The following PCYOX1 variants were observed in gnomAD, a reference collection of about 807,000 sequenced individuals.
PCYOX1 encodes prenylcysteine oxidase 1.
Under a neutral mutation model 46.4 loss-of-function variants are expected in PCYOX1, and 46 were observed. That is an observed-to-expected ratio of 0.99 (90% CI 0.78 to 1.27). The LOEUF is 1.27. Ranked by LOEUF, PCYOX1 falls within the 50% of genes most tolerant of loss-of-function variation. PCYOX1 has a pLI of 0.00. For missense variants in PCYOX1, 658 were observed against 628.3 expected (o/e 1.05, Z -0.51); for synonymous variants, 220 against 231.8 (o/e 0.95, Z 0.46).
chr2:70,269,626 T>C (rs1338371842), intron 3 of PCYOX1, among the ~76,000 whole-genome samples: 2 of 151,910 alleles, frequency 1.3e-5, no homozygotes, highest in African/African-American at 4.8e-5. Context: ...CGTGAGCCAC[T>C]GCACCCGGCC....
chr2:70,274,966 C>T lies in PCYOX1; in HGVS notation c.502C>T (p.Arg168Cys), dbSNP rs916600172. ...DVLDKFMRIYRYQSHDYAFSS... is the reference protein window; with the variant it reads ...DVLDKFMRIYCYQSHDYAFSS... The stretch of plus-strand genomic sequence containing the variant: ...TTCTCTTCTTTTCCAAAGGATCTAC[C>T]GCTACCAGTCTCATGACTATGCCTT... The change falls in exon 4 of 6, where the codon CGC becomes TGC. Residue 168 changes from arginine (R) to cysteine (C), a missense_variant. Arg to Cys is a radical substitution (Grantham distance 180). Transcript: ENST00000433351. 1.1e-5 allele frequency: 18 copies of T among 1,592,198 alleles called. No homozygotes were observed. Among genetic ancestry groups the T allele is most frequent in the Non-Finnish European group, 1.2e-5 (14 of 1,160,034 alleles).
At position 70,280,919 on chromosome 2, in the gene PCYOX1, A is replaced by AGTCT. The variant is rs1696764766; in HGVS notation, c.*3528_*3531dup. ...CTTTTTATCAGATCACAAAAAAATC[A>AGTCT]GTCTTTAAGCATTTGCTTGGTAAGG... On this transcript the variant is annotated 3_prime_UTR_variant, in exon 6 of 6. Transcript: ENST00000433351. 6.6e-6 allele frequency: 1 copy of AGTCT among 152,172 alleles called. No individual in the cohort carries two copies. The highest frequency in any genetic ancestry group is 1.5e-5 in the Non-Finnish European group (1 of 68,044). 9.4% of individuals were successfully genotyped at this position (152,172 alleles called of 1,614,324 possible). A position where few individuals can be genotyped will look rare whatever the true frequency, so the allele number is the denominator to read the frequency against.
intron 3 of PCYOX1, among the ~76,000 whole-genome samples, chr2:70,269,023 T>G (rs752680266): frequency 1.1e-4 from 17 of 152,082 alleles, no homozygotes; most frequent in Non-Finnish European, 2.2e-4. Context: ...ACTAATACAC[T>G]GTTGTCATTT....
chr2:70,267,294 C>T (rs1022367275), intron 3 of PCYOX1, among the ~76,000 whole-genome samples: 2 of 151,914 alleles, frequency 1.3e-5, no homozygotes, highest in Non-Finnish European at 2.9e-5. Flanking sequence ...AGGCGCTCCT[C>T]ACTTCCCAGA....
At chr2:70,275,243 ACTTTAGG>A (rs1365259776) in intron 4 of PCYOX1, 73 bp downstream of exon 4, 2 of 1,284,722 alleles carry the variant, frequency 1.6e-6, no homozygotes, top group African/African-American at 2.9e-5. Context: ...GTGGTTCCTG[ACTTTAGG>A]CTGTGGATTG....
chr2:70,275,901 C>A (rs1696664587), intron 5 of PCYOX1, among the ~76,000 whole-genome samples: 1 of 151,996 alleles, frequency 6.6e-6, no homozygotes, highest in Non-Finnish European at 1.5e-5. Context: ...GAGATCAAGA[C>A]TAGCCTGGCC....
chr2:70,277,490 CCATTAT>C lies in PCYOX1; in HGVS notation c.*103_*108del, dbSNP rs1451906949. ...AGATGATTTTGAACCAGATATTTTGCCATTATCATTGTTTAATAAAAGTAATCCCTG... is the reference window on the plus strand; with the variant it reads ...AGATGATTTTGAACCAGATATTTTGCCATTGTTTAATAAAAGTAATCCCTG... On this transcript the variant is annotated 3_prime_UTR_variant, in exon 6 of 6. Transcript: ENST00000433351. The C allele has an allele frequency of 1.2e-5, 12 of 1,010,966 alleles. No homozygotes were observed. Among genetic ancestry groups the C allele is most frequent in the Non-Finnish European group, 1.5e-5 (10 of 676,016 alleles). 62.6% of individuals were successfully genotyped at this position (1,010,966 alleles called of 1,614,324 possible). A position where few individuals can be genotyped will look rare whatever the true frequency, so the allele number is the denominator to read the frequency against.
intron 1 of PCYOX1, 124 bp downstream of exon 1, chr2:70,258,400 G>C (rs1696379938): frequency 3.3e-6 from 2 of 598,326 alleles, no homozygotes; most frequent in South Asian, 4.4e-5. Flanking sequence ...AGCCAGCTGC[G>C]CAGGTCGCGC....
intron 3 of PCYOX1, among the ~76,000 whole-genome samples, chr2:70,268,594 T>C (rs1398573230): frequency 6.6e-6 from 1 of 151,994 alleles, no homozygotes; most frequent in East Asian, 1.9e-4. Context: ...GGTTGGGAGT[T>C]CGAGACCAGC....
chr2:70,268,513 C>T (rs1254540977), intron 3 of PCYOX1, among the ~76,000 whole-genome samples: 1 of 151,934 alleles, frequency 6.6e-6, no homozygotes, highest in African/African-American at 2.4e-5. Context: ...TAGCGTAGAC[C>T]CTAAAACAAT....
Position 70,258,254 on chromosome 2 carries a change from G to C in PCYOX1, c.90G>C (p.Leu30=), listed in dbSNP as rs1333463439. 88 of 1,591,394 alleles carry C rather than the reference G, an allele frequency of 5.5e-5. No individual in the cohort carries two copies. The highest frequency in any genetic ancestry group is 7.4e-5 in the Non-Finnish European group (87 of 1,174,690). ...CSCGCPEGAE[L]RAPPDKIAII... ...GCGGATGCCCCGAGGGCGCCGAGCTGCGTGCTCCGCCAGATAAAATCGGTA... is the reference window on the plus strand; with the variant it reads ...GCGGATGCCCCGAGGGCGCCGAGCTCCGTGCTCCGCCAGATAAAATCGGTA... Residue 30 remains leucine (L), a synonymous_variant, in exon 1 of 6, where the codon CTG becomes CTC. Transcript: ENST00000433351.
rs927963005 is a variant in PCYOX1 at position 70,275,741 on chromosome 2, G to A, written c.859+75G>A. 10 of 1,305,930 alleles carry A rather than the reference G, an allele frequency of 7.7e-6. No homozygotes were observed. In the Admixed American group the frequency reaches 1.0e-4, roughly 14 times the overall value. 80.9% of individuals were successfully genotyped at this position (1,305,930 alleles called of 1,614,324 possible). A position where few individuals can be genotyped will look rare whatever the true frequency, so the allele number is the denominator to read the frequency against. ...GCTCAGGGAGAAACACTTCTCTTCTGTCATCTCTTACTCAGTTCTAAAATG... is the reference window on the plus strand; with the variant it reads ...GCTCAGGGAGAAACACTTCTCTTCTATCATCTCTTACTCAGTTCTAAAATG... On this transcript the variant is annotated intron_variant, in intron 5 of 5. Coordinates refer to ENST00000433351, the MANE Select transcript of PCYOX1 (RefSeq NM_016297.4).
At position 70,259,285 on chromosome 2, in the gene PCYOX1, G is replaced by C. The variant is rs1015868220; in HGVS notation, c.113-75G>C. The C allele has an allele frequency of 1.5e-5, 20 of 1,325,610 alleles. No individual in the cohort carries two copies. In the African/African-American group the frequency reaches 2.9e-4, roughly 19 times the overall value. The allele number at this position is 1,325,610 out of a possible 1,614,324, so 82.1% of individuals were successfully genotyped here. A position where few individuals can be genotyped will look rare whatever the true frequency, so the allele number is the denominator to read the frequency against. Reference sequence around the variant, plus strand: ...TTGAGTAACAACCTCTGCTATTGATGGTCTTTCAAAAACAAAACAACTCAC... The same window carrying C: ...TTGAGTAACAACCTCTGCTATTGATCGTCTTTCAAAAACAAAACAACTCAC... On this transcript the variant is annotated intron_variant, in intron 1 of 5. Coordinates refer to ENST00000433351, the MANE Select transcript of PCYOX1 (RefSeq NM_016297.4).
chr2:70,267,600 C>T (rs913872785), intron 3 of PCYOX1, among the ~76,000 whole-genome samples: 20 of 152,240 alleles, frequency 1.3e-4, no homozygotes, highest in African/African-American at 3.8e-4. Flanking sequence ...CCAGCCCGGC[C>T]AACACGGTGA....
chr2:70,264,333 CT>C (rs761565503), intron 3 of PCYOX1, among the ~76,000 whole-genome samples: 80 of 136,874 alleles, frequency 5.8e-4, no homozygotes, highest in Admixed American at 1.1e-3. Flanking sequence ...TAAGAAATTA[CT>C]TTTTTTTTTT....
Position 70,276,967 on chromosome 2 carries a change from TTTGGCCTTAATACAG to T in PCYOX1, c.1096_1110del (p.Gly366_Val370del), listed in dbSNP as rs1260315157. The stretch of plus-strand genomic sequence containing the variant: ...CTTTAGCTCTAGACCCATAGATAAA[TTTGGCCTTAATACAG>T]TTTTAACCACTGATAATTCAGATTT... On this transcript the variant is annotated inframe_deletion, in exon 6 of 6. Coordinates refer to ENST00000433351, the MANE Select transcript of PCYOX1 (RefSeq NM_016297.4). 1 of 1,613,586 alleles carries T rather than the reference TTTGGCCTTAATACAG, an allele frequency of 6.2e-7. No homozygotes were observed. The highest frequency in any genetic ancestry group is 1.3e-5 in the African/African-American group (1 of 74,930).
intron 3 of PCYOX1, among the ~76,000 whole-genome samples, chr2:70,268,870 C>T (rs1696563896): frequency 6.6e-6 from 1 of 151,956 alleles, no homozygotes; most frequent in Admixed American, 6.6e-5. Context: ...TGGCCATCTG[C>T]AAGCCAAGGA....
chr2:70,280,984 T>C lies in PCYOX1; in HGVS notation c.*3592T>C, dbSNP rs1230118186. ...GTTTATAATACAACCATCTGTAATG[T>C]ATCTCTCGTTTGAGCTTGTGGGCCA... On this transcript the variant is annotated 3_prime_UTR_variant, in exon 6 of 6. Coordinates refer to ENST00000433351, the MANE Select transcript of PCYOX1 (RefSeq NM_016297.4). The C allele has an allele frequency of 6.6e-6, 1 of 152,196 alleles. No homozygotes were observed. Among genetic ancestry groups the C allele is most frequent in the Non-Finnish European group, 1.5e-5 (1 of 68,032 alleles). The allele number at this position is 152,196 out of a possible 1,614,324, so 9.4% of individuals were successfully genotyped here.
At chr2:70,265,351 T>C (rs1328127861) in intron 3 of PCYOX1, among the ~76,000 whole-genome samples, 3 of 151,908 alleles carry the variant, frequency 2.0e-5, no homozygotes, top group Admixed American at 6.6e-5. Context: ...CCATCATGCT[T>C]GGCTAATTTT....
Sources: allele counts gnomAD v4.1 joint callset (sites outside exome capture counted in the v4.1 genomes callset), GRCh38; gene constraint gnomAD v4.1.1; transcripts MANE v1.5; gene names NCBI Gene and HGNC (gene_info 2026-07-23, HGNC 2026-07-21).